GPM6A: variants seen among roughly 807,000 people sequenced by gnomAD.
GPM6A encodes the protein glycoprotein M6A, also known as neuronal membrane glycoprotein M6-a.
GPM6A carries 7 observed loss-of-function variants against 32.1 expected under a neutral mutation model. The observed-to-expected ratio is 0.22, with a 90% CI of 0.12 to 0.41. GPM6A has a LOEUF of 0.41. Ranked by LOEUF, GPM6A falls within the 10% of genes least tolerant of loss-of-function variation. The pLI is 1.00. For synonymous variants in GPM6A, 130 were observed against 123.4 expected, an observed-to-expected ratio of 1.05 and a Z score of -0.35; for missense variants, 235 against 347.2, an observed-to-expected ratio of 0.68 and a Z score of 2.57.
At chr4:175,668,393 C>G (rs1443316725) in intron 3 of GPM6A, among the ~76,000 whole-genome samples, 1 of 151,938 alleles carries the variant, frequency 6.6e-6, no homozygotes, top group African/African-American at 2.4e-5. Context: ...ACCCCACCCC[C>G]CAAATCTTCC....
intron 1 of GPM6A, among the ~76,000 whole-genome samples, chr4:175,992,038 C>T (rs547926272): frequency 2.9e-5 from 4 of 139,582 alleles, no homozygotes; most frequent in African/African-American, 5.5e-5. Flanking sequence ...AAAACAAGAA[C>T]CCCCTACACA....
intron 1 of GPM6A, chr4:175,807,386 C>T (rs922132604): frequency 2.6e-5 from 4 of 152,146 alleles, no homozygotes; most frequent in African/African-American, 9.7e-5. Context: ...CAGTAAGCCT[C>T]TTTATGTAAG....
At chr4:175,997,139 C>T (rs1741334060) in intron 1 of GPM6A, among the ~76,000 whole-genome samples, 1 of 152,120 alleles carries the variant, frequency 6.6e-6, no homozygotes. Flanking sequence ...TGGCTGAATC[C>T]CCTGCTGTCA....
intron 3 of GPM6A, among the ~76,000 whole-genome samples, chr4:175,660,911 C>T (rs900817568): frequency 6.6e-6 from 1 of 152,184 alleles, no homozygotes; most frequent in African/African-American, 2.4e-5. Context: ...TAAGGTAATT[C>T]TGCCACTGAT....
intron 1 of GPM6A, among the ~76,000 whole-genome samples, chr4:175,905,439 C>T (rs1275448655): frequency 6.6e-6 from 1 of 151,878 alleles, no homozygotes; most frequent in Non-Finnish European, 1.5e-5. Context: ...ATGTGTGGCC[C>T]AAGACAATTC....
chr4:175,660,030 T>G (rs2110942518), intron 3 of GPM6A, among the ~76,000 whole-genome samples: 1 of 152,242 alleles, frequency 6.6e-6, no homozygotes, highest in South Asian at 2.1e-4. Flanking sequence ...ATCTCAAGAT[T>G]TTACAAGATG....
chr4:175,636,028 A>G (rs1740563230), intron 6 of GPM6A, among the ~76,000 whole-genome samples: 1 of 152,008 alleles, frequency 6.6e-6, no homozygotes, highest in Non-Finnish European at 1.5e-5. Context: ...ATTCTAAATA[A>G]TGAATATTGT....
intron 1 of GPM6A, among the ~76,000 whole-genome samples, chr4:175,910,971 G>A (rs1738296162): frequency 6.6e-6 from 1 of 152,150 alleles, no homozygotes; most frequent in Non-Finnish European, 1.5e-5. Context: ...CTCTCCCTCA[G>A]ACAGCCTTAA....
chr4:175,636,937 CATATAT>C (rs562869711), intron 6 of GPM6A, among the ~76,000 whole-genome samples: 5,280 of 124,198 alleles, frequency 0.043, 132 homozygotes, highest in Admixed American at 0.074. Flanking sequence ...TTCACTCATG[CATATAT>C]ATATATATAT....
At chr4:175,669,062 T>C (rs1383141085) in intron 3 of GPM6A, among the ~76,000 whole-genome samples, 2 of 152,192 alleles carry the variant, frequency 1.3e-5, no homozygotes, top group Non-Finnish European at 2.9e-5. Context: ...ATAATTCTAG[T>C]ATCTACATGA....
chr4:175,792,327 T>C (rs1036288155), intron 1 of GPM6A, among the ~76,000 whole-genome samples: 1 of 152,204 alleles, frequency 6.6e-6, no homozygotes, highest in East Asian at 1.9e-4. Context: ...GTTATACCAT[T>C]TTTATTTTAT....
chr4:175,883,148 A>T (rs1362952597), intron 1 of GPM6A, among the ~76,000 whole-genome samples: 1 of 152,084 alleles, frequency 6.6e-6, no homozygotes, highest in African/African-American at 2.4e-5. Flanking sequence ...GATGGAAGTA[A>T]GCTAATGGGA....
chr4:176,002,231 C>A (rs1741508437), intron 1 of GPM6A: 1 of 1,435,052 alleles, frequency 7.0e-7, no homozygotes, highest in Non-Finnish European at 9.7e-7. Flanking sequence ...GGCCGAGGAA[C>A]ATTCATTTTC....
chr4:175,789,325 A>G (rs1733918763), intron 1 of GPM6A, among the ~76,000 whole-genome samples: 1 of 152,174 alleles, frequency 6.6e-6, no homozygotes, highest in African/African-American at 2.4e-5. Flanking sequence ...CCATGTTTGA[A>G]TTTTAATATC....
intron 2 of GPM6A, among the ~76,000 whole-genome samples, chr4:175,695,283 C>T (rs2111047376): frequency 6.6e-6 from 1 of 152,294 alleles, no homozygotes; most frequent in Non-Finnish European, 1.5e-5. Context: ...GGGCTACCAT[C>T]CTCTAGACCC....
At chr4:175,896,611 T>C (rs1054222108) in intron 1 of GPM6A, among the ~76,000 whole-genome samples, 10 of 152,210 alleles carry the variant, frequency 6.6e-5, no homozygotes, top group African/African-American at 2.2e-4. Context: ...AAAAGGCTTC[T>C]GTTTCTGTTT....
chr4:175,724,441 G>A lies in GPM6A; in HGVS notation c.38-22674C>T, dbSNP rs527632169. On this transcript the variant is annotated intron_variant, in intron 1 of 6. Coordinates refer to ENST00000393658, the MANE Select transcript of GPM6A (RefSeq NM_201591.3). Reference sequence around the variant, plus strand: ...TGCCTGTAATCCCAGCTACTCGGGAGGCTAAGGTGGGGGGAATCGCTTGAA... The same window carrying A: ...TGCCTGTAATCCCAGCTACTCGGGAAGCTAAGGTGGGGGGAATCGCTTGAA... Among the ~76,000 whole-genome samples the A allele has an allele frequency of 6.5e-4, 99 of 152,250 alleles. 1 individual carries two copies. In the South Asian group the frequency reaches 0.02, roughly 31 times the overall value.
intron 1 of GPM6A, among the ~76,000 whole-genome samples, chr4:175,725,994 T>TTTC (rs1746385258): frequency 2.7e-4 from 1 of 3,768 alleles, no homozygotes; most frequent in South Asian, 4.2e-3. Flanking sequence ...CTGTTTCTTC[T>TTTC]TTTTTTTTTT....
intron 1 of GPM6A, among the ~76,000 whole-genome samples, chr4:175,922,488 G>A (rs1738700882): frequency 6.6e-6 from 1 of 152,134 alleles, no homozygotes; most frequent in African/African-American, 2.4e-5. Context: ...ATTCTTGTAT[G>A]TAGATAGAAG....
Sources: gnomAD v4.1 joint callset for allele counts (sites outside exome capture counted in the v4.1 genomes callset) on GRCh38, gnomAD v4.1.1 for gene constraint, MANE v1.5 for transcripts, NCBI Gene and HGNC (gene_info 2026-07-23, HGNC 2026-07-21) for gene names.